The following UEVLD variants were observed in gnomAD, a reference collection of about 807,000 sequenced individuals.
UEVLD encodes UEV and lactate/malate dehyrogenase domains.
A neutral mutation model predicts 58.6 loss-of-function variants in UEVLD; 47 were observed. The ratio of observed to expected loss-of-function variants is 0.80; its 90% CI spans 0.63 to 1.02. The LOEUF (loss-of-function observed/expected upper bound fraction) is 1.02, where lower values mean the gene tolerates loss of function less well. Ranked by LOEUF, UEVLD falls within the 50% of genes least tolerant of loss-of-function variation. The pLI, the probability that UEVLD is intolerant of heterozygous loss-of-function variation, is 0.00. For missense variants in UEVLD, 510 were observed against 550.6 expected (o/e 0.93, Z 0.74); for synonymous variants, 197 against 195.3 (o/e 1.01, Z -0.07).
At chr11:18,548,923 C>T (rs2133982826) in intron 7 of UEVLD, among the ~76,000 whole-genome samples, 1 of 152,222 alleles carries the variant, frequency 6.6e-6, no homozygotes, top group Middle Eastern at 3.4e-3. Flanking sequence ...ACAGTAGATA[C>T]CTGGTGATGA....
At chr11:18,581,341 T>C (rs963959842) in intron 1 of UEVLD, among the ~76,000 whole-genome samples, 1 of 152,080 alleles carries the variant, frequency 6.6e-6, no homozygotes, top group Non-Finnish European at 1.5e-5. Flanking sequence ...GAAAGGCCTC[T>C]GGAGAAGCTG....
In UEVLD at chr11:18,544,790, A is replaced by C; in HGVS notation, c.893T>G (p.Ile298Ser). The change falls in exon 9 of 12, where the codon ATC becomes AGC. Residue 298 changes from isoleucine (I) to serine (S), a missense_variant. Coordinates refer to ENST00000396197, the MANE Select transcript of UEVLD (RefSeq NM_001040697.4). ...VLLVASQPVEIMTYVTWKLST... is the reference protein window; with the variant it reads ...VLLVASQPVESMTYVTWKLST... ...CAGTTTCCATGTTACATAGGTCATG[A>C]TTTCCACTAAATATTGCATACAAGG... 1 of 1,529,290 alleles carries C rather than the reference A, an allele frequency of 6.5e-7. No homozygotes were observed. The highest frequency in any genetic ancestry group is 1.4e-5 in the African/African-American group (1 of 69,408). The allele number at this position is 1,529,290 out of a possible 1,614,324, so 94.7% of individuals were successfully genotyped here. A position where few individuals can be genotyped will look rare whatever the true frequency, so the allele number is the denominator to read the frequency against.
intron 4 of UEVLD, among the ~76,000 whole-genome samples, chr11:18,567,932 C>T (rs146413846): frequency 6.6e-6 from 1 of 152,196 alleles, no homozygotes; most frequent in East Asian, 1.9e-4. Context: ...ATGCCTTGAT[C>T]CCAGGAGTTC....
intron 7 of UEVLD, among the ~76,000 whole-genome samples, chr11:18,554,085 T>A (rs955540334): frequency 6.6e-6 from 1 of 152,174 alleles, no homozygotes; most frequent in Non-Finnish European, 1.5e-5. Context: ...AAGCAACTAC[T>A]CTTAATAGTT....
intron 1 of UEVLD, among the ~76,000 whole-genome samples, chr11:18,579,815 A>C (rs1218780578): frequency 2.6e-5 from 4 of 152,222 alleles, no homozygotes; most frequent in African/African-American, 4.8e-5. Context: ...TTGAGACAAC[A>C]ATTCCTTTTA....
At chr11:18,571,418 A>G (rs12225251) in intron 3 of UEVLD, among the ~76,000 whole-genome samples, 30,731 of 151,974 alleles carry the variant, frequency 0.2, 3,214 homozygotes, top group East Asian at 0.25. Flanking sequence ...GCCTCCACCA[A>G]TGCCCCTCCC....
intron 7 of UEVLD, among the ~76,000 whole-genome samples, chr11:18,555,300 C>T (rs947988600): frequency 6.6e-6 from 1 of 152,056 alleles, no homozygotes; most frequent in Non-Finnish European, 1.5e-5. Flanking sequence ...GTGGTGGGCA[C>T]CTGTAGTCCC....
At chr11:18,541,434 C>T (rs372194911) in intron 9 of UEVLD, among the ~76,000 whole-genome samples, 132 of 152,186 alleles carry the variant, frequency 8.7e-4, no homozygotes, top group African/African-American at 3.0e-3. Context: ...TGTGATTGTC[C>T]CTAGGAAGAA....
intron 6 of UEVLD, among the ~76,000 whole-genome samples, chr11:18,562,504 T>C (rs1350004257): frequency 6.6e-6 from 1 of 151,204 alleles, no homozygotes; most frequent in African/African-American, 2.4e-5. Context: ...ATCATGCTAC[T>C]GCACTCCAGC....
intron 3 of UEVLD, among the ~76,000 whole-genome samples, chr11:18,572,003 A>C (rs1162061761): frequency 6.6e-6 from 1 of 151,858 alleles, no homozygotes; most frequent in South Asian, 2.1e-4. Context: ...TTGGGAGGCC[A>C]AGGCGGACAG....
At chr11:18,557,644 G>A (rs1261526127) in intron 7 of UEVLD, among the ~76,000 whole-genome samples, 1 of 149,660 alleles carries the variant, frequency 6.7e-6, no homozygotes, top group Non-Finnish European at 1.5e-5. Flanking sequence ...GTGCATTGCA[G>A]CCTTGAACAC....
At chr11:18,570,974 T>C (rs1239526520) in intron 3 of UEVLD, among the ~76,000 whole-genome samples, 1 of 151,820 alleles carries the variant, frequency 6.6e-6, no homozygotes, top group Non-Finnish European at 1.5e-5. Context: ...TCAAAAATGT[T>C]TACTAATATA....
At chr11:18,573,925 C>T (rs1197652443) in intron 3 of UEVLD, among the ~76,000 whole-genome samples, 2 of 151,988 alleles carry the variant, frequency 1.3e-5, no homozygotes, top group Non-Finnish European at 2.9e-5. Context: ...CAAAGTTACG[C>T]TGTTCTCTCC....
chr11:18,548,223 A>G (rs1851379671), intron 7 of UEVLD, among the ~76,000 whole-genome samples: 1 of 152,142 alleles, frequency 6.6e-6, no homozygotes, highest in South Asian at 2.1e-4. Context: ...TGTTACAACT[A>G]TATTACTCTC....
At chr11:18,540,001 G>T (rs1410744165) in intron 9 of UEVLD, among the ~76,000 whole-genome samples, 1 of 152,138 alleles carries the variant, frequency 6.6e-6, no homozygotes, top group African/African-American at 2.4e-5. Flanking sequence ...TATTTTACAT[G>T]TTTTTTGCCA....
intron 7 of UEVLD, among the ~76,000 whole-genome samples, chr11:18,547,722 G>A (rs1851360998): frequency 6.6e-6 from 1 of 152,062 alleles, no homozygotes; most frequent in Non-Finnish European, 1.5e-5. Context: ...GTGAGCTTAG[G>A]TGCCCTAAAG....
chr11:18,563,099 T>C (rs1852123179), intron 6 of UEVLD, among the ~76,000 whole-genome samples: 1 of 133,940 alleles, frequency 7.5e-6, no homozygotes, highest in Non-Finnish European at 1.6e-5. Flanking sequence ...CTTCTTGTGC[T>C]TACCAAAAAA....
At chr11:18,570,126 G>GT in intron 4 of UEVLD, 88 bp downstream of exon 4, 2 of 1,304,510 alleles carry the variant, frequency 1.5e-6, no homozygotes, top group Non-Finnish European at 2.1e-6. Context: ...AGAAAATGCA[G>GT]TATCATACTT....
intron 11 of UEVLD, among the ~76,000 whole-genome samples, chr11:18,533,226 T>A (rs1850649017): frequency 1.3e-5 from 2 of 152,046 alleles, no homozygotes; most frequent in South Asian, 4.1e-4. Flanking sequence ...CAATAAATTA[T>A]TAATAATCAC....
Sources: allele counts gnomAD v4.1 joint callset (sites outside exome capture counted in the v4.1 genomes callset), GRCh38; gene constraint gnomAD v4.1.1; transcripts MANE v1.5; gene names NCBI Gene and HGNC (gene_info 2026-07-23, HGNC 2026-07-21).